The following DHX8 variants were observed in gnomAD, a reference collection of about 807,000 sequenced individuals.
The protein encoded by DHX8 is DEAH-box helicase 8.
DHX8 carries 67 observed loss-of-function variants against 140.7 expected under a neutral mutation model. That is an observed-to-expected ratio of 0.48 (90% CI 0.39 to 0.58). The LOEUF (loss-of-function observed/expected upper bound fraction) is 0.58, where lower values mean the gene tolerates loss of function less well. DHX8 is among the 20% of genes least tolerant of loss of function. DHX8 has a pLI of 0.00. For synonymous variants in DHX8, 533 were observed against 553.2 expected, an observed-to-expected ratio of 0.96 and a Z score of 0.51; for missense variants, 887 against 1,550.7, an observed-to-expected ratio of 0.57 and a Z score of 7.19.
intron 3 of DHX8, among the ~76,000 whole-genome samples, chr17:43,543,645 C>T (rs76617337): frequency 3.3e-5 from 5 of 152,114 alleles, no homozygotes; most frequent in Non-Finnish European, 7.4e-5. Context: ...TCCAGAACCT[C>T]AGAAGAAGGA....
chr17:43,538,833 T>A (rs200349101), intron 3 of DHX8, among the ~76,000 whole-genome samples: 2 of 152,298 alleles, frequency 1.3e-5, no homozygotes, highest in East Asian at 3.9e-4. Flanking sequence ...GCTCTCTCCT[T>A]CCCTGGAGAC....
chr17:43,502,611 G>A, intron 11 of DHX8, among the ~76,000 whole-genome samples: 1 of 152,082 alleles, frequency 6.6e-6, no homozygotes, highest in Non-Finnish European at 1.5e-5. Flanking sequence ...TTTTGGTAGA[G>A]ACAGCGTTTC....
chr17:43,496,995 C>T (rs1044405337), intron 9 of DHX8, among the ~76,000 whole-genome samples: 4 of 152,100 alleles, frequency 2.6e-5, no homozygotes, highest in African/African-American at 9.7e-5. Flanking sequence ...AGTAAGTGAG[C>T]ACCTACGTAC....
intron 3 of DHX8, among the ~76,000 whole-genome samples, chr17:43,537,631 G>C (rs143045212): frequency 2.0e-5 from 3 of 152,144 alleles, no homozygotes; most frequent in African/African-American, 7.2e-5. Flanking sequence ...AGGAGGCAGA[G>C]GTTGCAGTCA....
downstream of DHX8, chr17:43,529,435 T>A: frequency 6.5e-7 from 1 of 1,543,012 alleles, no homozygotes; most frequent in Non-Finnish European, 8.8e-7. Flanking sequence ...GTGCCACCAT[T>A]TCCCAGGTTC....
chr17:43,512,386 CAAA>C (rs373398276), intron 16 of DHX8, among the ~76,000 whole-genome samples: 2 of 100,306 alleles, frequency 2.0e-5, no homozygotes, highest in African/African-American at 4.3e-5. Flanking sequence ...GACTCTATCT[CAAA>C]AAAAAAAAAA....
chr17:43,504,591 T>C lies in DHX8; in HGVS notation c.1547-53T>C. ...GCATGCCATTTTATTTTTTTCCTGGTACATCTTGAGGTAGCTTGAGGACAA... is the reference window on the plus strand; with the variant it reads ...GCATGCCATTTTATTTTTTTCCTGGCACATCTTGAGGTAGCTTGAGGACAA... On this transcript the variant is annotated intron_variant, in intron 11 of 22. Coordinates refer to ENST00000262415, the MANE Select transcript of DHX8 (RefSeq NM_004941.3). 2.6e-6 allele frequency: 4 copies of C among 1,523,768 alleles called. No individual in the cohort carries two copies. The Admixed American group carries it at 8.7e-5, about 33-fold the overall frequency. 94.4% of individuals were successfully genotyped at this position (1,523,768 alleles called of 1,614,324 possible).
In DHX8 at chr17:43,513,521, A is replaced by T. The variant is rs1005820634; in HGVS notation, c.2643+19A>T. 6.2e-7 allele frequency: 1 copy of T among 1,611,196 alleles called. No homozygotes were observed. The highest frequency in any genetic ancestry group is 1.3e-5 in the African/African-American group (1 of 74,858). ...TTCTCAGGTATGACGGCTTGTATCA[A>T]CAGTTTTCCTGATAATCCTGATTAG... is the stretch of plus-strand genomic sequence containing the variant. On this transcript the variant is annotated intron_variant, in intron 17 of 22. Transcript: ENST00000262415.
chr17:43,489,583 A>ATGTT (rs751343754), intron 2 of DHX8, 49 bp downstream of exon 2: 24 of 1,328,186 alleles, frequency 1.8e-5, no homozygotes, highest in South Asian at 1.3e-4. Context: ...GTTTTAATTT[A>ATGTT]TGTTTGTTTG....
At chr17:43,517,761 C>G (rs1391745063) in intron 18 of DHX8, 1 of 153,620 alleles carries the variant, frequency 6.5e-6, no homozygotes, top group Non-Finnish European at 1.4e-5. Flanking sequence ...CTCTCAGGGG[C>G]TTGGTTTTCA....
intron 3 of DHX8, among the ~76,000 whole-genome samples, chr17:43,540,767 A>G (rs1185421606): frequency 1.3e-5 from 2 of 152,158 alleles, no homozygotes; most frequent in African/African-American, 4.8e-5. Flanking sequence ...CCTCTGGTCC[A>G]TTCAGAGGCA....
In DHX8 at chr17:43,484,007, T is replaced by A. The variant is rs529421058; in HGVS notation, c.-31T>A. The A allele has an allele frequency of 6.2e-7, 1 of 1,612,472 alleles. No homozygotes were observed. The highest frequency in any genetic ancestry group is 1.3e-5 in the African/African-American group (1 of 74,962). ...CCGGAGTAGCTCTGAGCGCCGGCTGTGAGGAAGGAGGTTCTGGGCAAGCTA... is the reference window on the plus strand; with the variant it reads ...CCGGAGTAGCTCTGAGCGCCGGCTGAGAGGAAGGAGGTTCTGGGCAAGCTA... On this transcript the variant is annotated 5_prime_UTR_variant, in exon 1 of 23. Transcript: ENST00000262415.
intron 16 of DHX8, 136 bp downstream of exon 16, chr17:43,508,656 C>A: frequency 1.7e-6 from 1 of 578,752 alleles, no homozygotes; most frequent in Non-Finnish European, 2.9e-6. Flanking sequence ...GAGTCTCGCT[C>A]TCACCCAGGC....
intron 1 of DHX8, among the ~76,000 whole-genome samples, chr17:43,488,471 C>T (rs778687705): frequency 2.6e-4 from 40 of 151,418 alleles, no homozygotes; most frequent in Admixed American, 1.8e-3. Flanking sequence ...ATTAGCCAGG[C>T]GTGGTGGTGG....
Position 43,493,514 on chromosome 17 carries a change from T to C in DHX8, c.933T>C (p.Asp311=). Residue 311 remains aspartate (D), a synonymous_variant, in exon 7 of 23, where the codon GAT becomes GAC. Coordinates refer to ENST00000262415, the MANE Select transcript of DHX8 (RefSeq NM_004941.3). ...RREGRVANVA[D]VVSKGQRVKV... ...AGGGTCGTGTGGCCAATGTAGCTGA[T>C]GTCGTGAGCAAAGGCCAGAGGGTCA... is the stretch of plus-strand genomic sequence containing the variant. 5 of 1,614,140 alleles carry C rather than the reference T, an allele frequency of 3.1e-6. No individual in the cohort carries two copies. The Admixed American group carries it at 6.7e-5, about 22-fold the overall frequency.
At chr17:43,527,630 C>A (rs1187217270), downstream of DHX8, among the ~76,000 whole-genome samples, 1 of 152,248 alleles carries the variant, frequency 6.6e-6, no homozygotes, top group Non-Finnish European at 1.5e-5. Context: ...ATTTCTGGAT[C>A]CTCACACAGT....
chr17:43,485,183 A>G (rs1366403036), intron 1 of DHX8, among the ~76,000 whole-genome samples: 1 of 152,218 alleles, frequency 6.6e-6, no homozygotes, highest in African/African-American at 2.4e-5. Context: ...TTGCAGATTC[A>G]GATGAGTTTA....
intron 1 of DHX8, among the ~76,000 whole-genome samples, chr17:43,484,677 T>C (rs529579171): frequency 6.6e-6 from 1 of 152,350 alleles, no homozygotes; most frequent in Non-Finnish European, 1.5e-5. Context: ...GGCCTCGCTC[T>C]GTTTCCCGGG....
intron 2 of DHX8, chr17:43,533,058 C>G (rs1971033137): frequency 6.7e-7 from 1 of 1,489,294 alleles, no homozygotes; most frequent in Non-Finnish European, 9.0e-7. Flanking sequence ...GTTGGGGTGT[C>G]AGTATTTCTC....
Sources: gnomAD v4.1 joint callset for allele counts (sites outside exome capture counted in the v4.1 genomes callset) on GRCh38, gnomAD v4.1.1 for gene constraint, MANE v1.5 for transcripts, NCBI Gene and HGNC (gene_info 2026-07-23, HGNC 2026-07-21) for gene names.